The following GPC5 variants were observed in gnomAD, a reference collection of about 807,000 sequenced individuals.
GPC5 encodes the protein glypican 5, also known as glypican-5.
A neutral mutation model predicts 53.9 loss-of-function variants in GPC5; 47 were observed. The observed-to-expected ratio is 0.87, with a 90% CI of 0.69 to 1.11. The LOEUF is 1.11. GPC5 is among the 50% of genes most tolerant of loss of function. The pLI is 0.00. For missense variants in GPC5, 748 were observed against 713.1 expected (o/e 1.05, Z -0.56); for synonymous variants, 286 against 263.3 (o/e 1.09, Z -0.84).
intron 2 of GPC5, among the ~76,000 whole-genome samples, chr13:91,465,145 T>C (rs529885311): frequency 1.3e-5 from 2 of 152,292 alleles, no homozygotes; most frequent in East Asian, 1.9e-4. Context: ...ACAGTCTTAC[T>C]TTTTAAATTG....
chr13:92,494,667 T>A (rs1879901004), intron 7 of GPC5, among the ~76,000 whole-genome samples: 1 of 152,196 alleles, frequency 6.6e-6, no homozygotes, highest in South Asian at 2.1e-4. Context: ...TTAGTTTATT[T>A]TTAAATTATT....
rs145858116 is a variant in GPC5 at position 92,235,152 on chromosome 13, A to C, written c.1561+90163A>C. The stretch of plus-strand genomic sequence containing the variant: ...TTTTTACCCTCGGCTTTATATACTT[A>C]ATAAAGGTTATTATTTTACTTACTC... On this transcript the variant is annotated intron_variant, in intron 7 of 7. Transcript: ENST00000377067. Among the ~76,000 whole-genome samples the C allele has an allele frequency of 1.3e-3, 204 of 152,278 alleles. 2 individuals carry two copies. In the East Asian group the frequency reaches 0.021, roughly 15 times the overall value.
intron 7 of GPC5, among the ~76,000 whole-genome samples, chr13:92,668,610 A>G (rs1886647981): frequency 6.6e-6 from 1 of 151,948 alleles, no homozygotes; most frequent in Non-Finnish European, 1.5e-5. Context: ...CATTGTTGTC[A>G]TTGTTATTTT....
intron 7 of GPC5, among the ~76,000 whole-genome samples, chr13:92,208,766 CAT>C (rs2042354956): frequency 1.3e-5 from 2 of 152,282 alleles, no homozygotes; most frequent in South Asian, 2.1e-4. Flanking sequence ...CAGGAATTCA[CAT>C]ATCTTTTTCA....
At chr13:92,394,635 G>A (rs1164224614) in intron 7 of GPC5, among the ~76,000 whole-genome samples, 9 of 152,102 alleles carry the variant, frequency 5.9e-5, no homozygotes, top group Non-Finnish European at 1.2e-4. Context: ...TGTGATAGCA[G>A]CACAAACTAA....
intron 5 of GPC5, among the ~76,000 whole-genome samples, chr13:91,870,074 C>T (rs1441311263): frequency 6.6e-6 from 1 of 152,138 alleles, no homozygotes; most frequent in Non-Finnish European, 1.5e-5. Context: ...TTCTCACTTT[C>T]TTGGAGACCC....
At chr13:91,998,335 C>T (rs1417087319) in intron 6 of GPC5, among the ~76,000 whole-genome samples, 2 of 152,162 alleles carry the variant, frequency 1.3e-5, no homozygotes, top group Admixed American at 6.5e-5. Flanking sequence ...TTATCTTGGC[C>T]TGATGGCATT....
chr13:92,702,620 C>G (rs188519972), intron 7 of GPC5, among the ~76,000 whole-genome samples: 1 of 152,196 alleles, frequency 6.6e-6, no homozygotes, highest in African/African-American at 2.4e-5. Flanking sequence ...GCTACCTCCC[C>G]AGCCCAAGCC....
At chr13:91,417,795 A>T (rs1878340064) in intron 1 of GPC5, among the ~76,000 whole-genome samples, 3 of 152,146 alleles carry the variant, frequency 2.0e-5, no homozygotes, top group African/African-American at 7.2e-5. Context: ...TATCATAGGC[A>T]TGTGTACACA....
At chr13:92,159,382 G>A (rs2041969322) in intron 7 of GPC5, among the ~76,000 whole-genome samples, 1 of 152,048 alleles carries the variant, frequency 6.6e-6, no homozygotes, top group Admixed American at 6.6e-5. Flanking sequence ...GTTGAAGGGA[G>A]GTACCAGCTA....
intron 2 of GPC5, among the ~76,000 whole-genome samples, chr13:91,683,714 T>TCC (rs990061378): frequency 6.6e-6 from 1 of 152,204 alleles, no homozygotes; most frequent in African/African-American, 2.4e-5. Flanking sequence ...CTAGATCACA[T>TCC]CCTTTTGCTT....
intron 2 of GPC5, among the ~76,000 whole-genome samples, chr13:91,630,010 C>T (rs906110397): frequency 6.6e-6 from 1 of 152,090 alleles, no homozygotes; most frequent in Non-Finnish European, 1.5e-5. Flanking sequence ...TTTTCTCTCA[C>T]CTACTGTGTT....
chr13:92,458,606 TC>T (rs1878366830), intron 7 of GPC5, among the ~76,000 whole-genome samples: 1 of 150,166 alleles, frequency 6.7e-6, no homozygotes, highest in African/African-American at 2.5e-5. Flanking sequence ...CCTTACTTAT[TC>T]TTTTTTTTAA....
At chr13:92,127,451 T>G (rs936261828) in intron 6 of GPC5, among the ~76,000 whole-genome samples, 3 of 152,184 alleles carry the variant, frequency 2.0e-5, no homozygotes, top group Non-Finnish European at 2.9e-5. Flanking sequence ...ATAATCAGGT[T>G]CCTTTTGTTG....
chr13:91,556,491 T>A (rs1243003231), intron 2 of GPC5, among the ~76,000 whole-genome samples: 1 of 151,316 alleles, frequency 6.6e-6, no homozygotes, highest in Non-Finnish European at 1.5e-5. Flanking sequence ...TGCCCATCAA[T>A]CAATGAGTGG....
At chr13:91,453,429 GA>G (rs1426013877) in intron 2 of GPC5, among the ~76,000 whole-genome samples, 2 of 151,850 alleles carry the variant, frequency 1.3e-5, no homozygotes, top group African/African-American at 4.8e-5. Context: ...ATATATTAAT[GA>G]ATATGAAGAC....
intron 6 of GPC5, among the ~76,000 whole-genome samples, chr13:92,065,879 C>T (rs1380957858): frequency 1.3e-5 from 2 of 151,746 alleles, no homozygotes; most frequent in African/African-American, 4.8e-5. Flanking sequence ...ATTTAAGTTC[C>T]ATGGTGTTTT....
intron 7 of GPC5, among the ~76,000 whole-genome samples, chr13:92,619,721 G>A (rs1884808870): frequency 6.6e-6 from 1 of 151,972 alleles, no homozygotes; most frequent in Non-Finnish European, 1.5e-5. Flanking sequence ...TCTTTCATTT[G>A]AAGTATGACC....
chr13:91,679,047 A>G (rs1363127632), intron 2 of GPC5, among the ~76,000 whole-genome samples: 1 of 152,150 alleles, frequency 6.6e-6, no homozygotes, highest in Non-Finnish European at 1.5e-5. Flanking sequence ...AAAGTGCTCA[A>G]TATTTAACTG....
Sources: allele counts gnomAD v4.1 joint callset (sites outside exome capture counted in the v4.1 genomes callset), GRCh38; gene constraint gnomAD v4.1.1; transcripts MANE v1.5; gene names NCBI Gene and HGNC (gene_info 2026-07-23, HGNC 2026-07-21).